SGK1: variants seen among roughly 807,000 people sequenced by gnomAD.
The protein encoded by SGK1 is serum/glucocorticoid regulated kinase 1, also known as serine/threonine-protein kinase Sgk1.
In SGK1, 26 loss-of-function variants were observed where a neutral mutation model predicts 64.2. That is an observed-to-expected ratio of 0.40 (90% CI 0.30 to 0.56). The LOEUF (loss-of-function observed/expected upper bound fraction) is 0.56. Among genes scored for constraint, SGK1 ranks in the 20% least tolerant of loss-of-function variants. SGK1 has a pLI of 0.38. For missense variants in SGK1, 519 were observed against 645.6 expected (o/e 0.80, Z 2.12); for synonymous variants, 265 against 239.7 (o/e 1.11, Z -0.98).
At chr6:134,226,494 C>T (rs1470915893) in intron 2 of SGK1, among the ~76,000 whole-genome samples, 1 of 151,724 alleles carries the variant, frequency 6.6e-6, no homozygotes, top group Admixed American at 6.6e-5. Context: ...AGTTTGAGAC[C>T]AGTCTGGGCA....
intron 3 of SGK1, among the ~76,000 whole-genome samples, chr6:134,196,449 AAAT>A (rs752965807): frequency 1.3e-5 from 2 of 151,954 alleles, no homozygotes; most frequent in African/African-American, 2.4e-5. Flanking sequence ...AACAAAGAAA[AAAT>A]AATAATTTAC....
intron 11 of SGK1, 38 bp from the exon 12 acceptor site, chr6:134,171,216 A>G: frequency 6.3e-7 from 1 of 1,594,696 alleles, no homozygotes; most frequent in Non-Finnish European, 8.6e-7. Context: ...CTTAATTGGA[A>G]GTTTCATATG....
intron 5 of SGK1, 146 bp downstream of exon 5, chr6:134,173,859 A>T (rs1775118990): frequency 3.0e-6 from 2 of 656,232 alleles, no homozygotes; most frequent in Non-Finnish European, 5.3e-6. Context: ...TCAATACTTA[A>T]ATATTTATAT....
In SGK1 at chr6:134,211,823, G is replaced by A. The variant is rs376964845; in HGVS notation, c.286-4392C>T. ...CGGGAGACTGAGGTTGCAGTGAGCC[G>A]AGATGGCTCCACTGCACTCCAGCCT... On this transcript the variant is annotated intron_variant, in intron 2 of 13. Coordinates refer to ENST00000367858, the MANE Select transcript of SGK1 (RefSeq NM_001143676.3). Among the ~76,000 whole-genome samples, 3 of 145,182 alleles carry A rather than the reference G, an allele frequency of 2.1e-5. No individual in the cohort carries two copies. The East Asian group carries it at 6.3e-4, about 31-fold the overall frequency.
chr6:134,240,906 C>T (rs1011266305), intron 2 of SGK1, among the ~76,000 whole-genome samples: 2 of 152,102 alleles, frequency 1.3e-5, no homozygotes, highest in Non-Finnish European at 2.9e-5. Context: ...TAGTGCCCGC[C>T]GAACTCTTGG....
chr6:134,247,852 C>A (rs1776548193), intron 2 of SGK1, among the ~76,000 whole-genome samples: 1 of 152,200 alleles, frequency 6.6e-6, no homozygotes, highest in East Asian at 1.9e-4. Context: ...CTTTAAACAT[C>A]TTTTGTACTT....
chr6:134,194,849 T>C (rs1475137161), intron 3 of SGK1, among the ~76,000 whole-genome samples: 1 of 152,192 alleles, frequency 6.6e-6, no homozygotes, highest in African/African-American at 2.4e-5. Context: ...CACAGTATTA[T>C]GTATCCTGTA....
chr6:134,298,635 C>T, intron 1 of SGK1: 8 of 1,320,642 alleles, frequency 6.1e-6, no homozygotes, highest in Non-Finnish European at 6.4e-6. Flanking sequence ...GGAGCGGCTG[C>T]TGAAGGCCCG....
At chr6:134,208,456 T>G (rs984309459) in intron 2 of SGK1, among the ~76,000 whole-genome samples, 5 of 152,066 alleles carry the variant, frequency 3.3e-5, no homozygotes, top group African/African-American at 4.8e-5. Flanking sequence ...AGTGGTAATC[T>G]CCGAGATTTT....
At chr6:134,308,036 AAGAGG>A in intron 1 of SGK1, among the ~76,000 whole-genome samples, 1 of 152,172 alleles carries the variant, frequency 6.6e-6, no homozygotes, top group African/African-American at 2.4e-5. Flanking sequence ...TGAGGCTGTG[AAGAGG>A]ATTCTTTTTT....
intron 2 of SGK1, chr6:134,257,197 C>A (rs1776697987): frequency 6.6e-6 from 1 of 152,532 alleles, no homozygotes; most frequent in Non-Finnish European, 1.5e-5. Flanking sequence ...GAGGCCGAGG[C>A]AGGCAGATCA....
At chr6:134,188,604 C>G (rs1775458500) in intron 3 of SGK1, among the ~76,000 whole-genome samples, 1 of 152,188 alleles carries the variant, frequency 6.6e-6, no homozygotes, top group African/African-American at 2.4e-5. Context: ...CAGGCTTCAC[C>G]TCACACAGAG....
At chr6:134,255,202 T>G (rs548412448) in intron 2 of SGK1, among the ~76,000 whole-genome samples, 2 of 152,134 alleles carry the variant, frequency 1.3e-5, no homozygotes, top group African/African-American at 4.8e-5. Context: ...CTGTATAGTG[T>G]TCTATGGTAT....
intron 2 of SGK1, among the ~76,000 whole-genome samples, chr6:134,221,971 G>A (rs767822955): frequency 3.9e-5 from 6 of 151,998 alleles, no homozygotes; most frequent in Non-Finnish European, 5.9e-5. Flanking sequence ...ATAAATCTTC[G>A]TTACTTATCC....
At chr6:134,269,143 G>T (rs1395163690) in intron 1 of SGK1, among the ~76,000 whole-genome samples, 1 of 147,340 alleles carries the variant, frequency 6.8e-6, no homozygotes, top group African/African-American at 2.4e-5. Flanking sequence ...AAATTATAGA[G>T]AGTTTAGGTA....
At chr6:134,240,711 T>C (rs545441422) in intron 2 of SGK1, among the ~76,000 whole-genome samples, 2 of 152,320 alleles carry the variant, frequency 1.3e-5, no homozygotes, top group South Asian at 4.1e-4. Flanking sequence ...TCTTGTTAGC[T>C]GAATAATGAG....
chr6:134,310,277 T>C (rs912023121), intron 1 of SGK1, among the ~76,000 whole-genome samples: 8 of 152,168 alleles, frequency 5.3e-5, no homozygotes, highest in Admixed American at 2.0e-4. Context: ...TCCCAAGCAC[T>C]GTAGCTAAGA....
At chr6:134,226,462 G>A (rs1025021870) in intron 2 of SGK1, among the ~76,000 whole-genome samples, 2 of 151,938 alleles carry the variant, frequency 1.3e-5, no homozygotes, top group African/African-American at 4.8e-5. Flanking sequence ...ACTTTGGGAG[G>A]CCAAGGCTGT....
intron 1 of SGK1, among the ~76,000 whole-genome samples, chr6:134,284,249 C>T (rs1413945723): frequency 1.3e-5 from 2 of 151,984 alleles, no homozygotes; most frequent in African/African-American, 2.4e-5. Context: ...CACACCACCA[C>T]GCCTGGCAAT....
Sources: gnomAD v4.1 joint callset for allele counts (sites outside exome capture counted in the v4.1 genomes callset) on GRCh38, gnomAD v4.1.1 for gene constraint, MANE v1.5 for transcripts, NCBI Gene and HGNC (gene_info 2026-07-23, HGNC 2026-07-21) for gene names.